The following EXT1 variants were observed in gnomAD, a reference collection of about 807,000 sequenced individuals.
EXT1 encodes the protein exostosin glycosyltransferase 1, also known as exostosin-1.
Under a neutral mutation model 82.5 loss-of-function variants are expected in EXT1, and 20 were observed. The ratio of observed to expected loss-of-function variants is 0.24; its 90% CI spans 0.17 to 0.35. The LOEUF (loss-of-function observed/expected upper bound fraction) is 0.35. Among genes scored for constraint, EXT1 ranks in the 10% least tolerant of loss-of-function variants. EXT1 has a pLI of 1.00. For synonymous variants in EXT1, 348 were observed against 350.8 expected, an observed-to-expected ratio of 0.99 and a Z score of 0.09; for missense variants, 757 against 936.5, an observed-to-expected ratio of 0.81 and a Z score of 2.50.
chr8:117,813,964 C>T lies in EXT1; in HGVS notation c.1633-1003G>A, dbSNP rs570935275. Among the ~76,000 whole-genome samples, 31 of 151,460 alleles carry T rather than the reference C, an allele frequency of 2.0e-4. 1 individual carries two copies. The highest frequency in any genetic ancestry group is 1.0e-3 in the South Asian group (5 of 4,790). ...GAGGTTACAGTGAGCTGAGATGGTG[C>T]CACAGCACTCCAGCCTGGGTGACAG... On this transcript the variant is annotated intron_variant, in intron 7 of 10. Transcript: ENST00000378204.
intron 1 of EXT1, among the ~76,000 whole-genome samples, chr8:118,032,136 A>ATGG (rs1816336099): frequency 7.2e-6 from 1 of 138,914 alleles, no homozygotes; most frequent in African/African-American, 2.6e-5. Flanking sequence ...AATGGCCAAA[A>ATGG]CCGCGATGAC....
At chr8:117,904,512 G>T (rs183722223) in intron 1 of EXT1, among the ~76,000 whole-genome samples, 2 of 152,130 alleles carry the variant, frequency 1.3e-5, no homozygotes, top group African/African-American at 2.4e-5. Flanking sequence ...GATTGAAATG[G>T]GTATGTTCTT....
At chr8:118,024,914 G>A (rs1816175850) in intron 1 of EXT1, among the ~76,000 whole-genome samples, 1 of 152,234 alleles carries the variant, frequency 6.6e-6, no homozygotes, top group African/African-American at 2.4e-5. Context: ...ACACTAGAGT[G>A]AAAGTTCAGA....
At chr8:118,011,158 C>T (rs1195794727) in intron 1 of EXT1, among the ~76,000 whole-genome samples, 1 of 152,160 alleles carries the variant, frequency 6.6e-6, no homozygotes, top group Admixed American at 6.5e-5. Context: ...TCAAAGAGGC[C>T]CTCACAGACT....
At chr8:117,951,176 G>T (rs902296782) in intron 1 of EXT1, among the ~76,000 whole-genome samples, 1 of 152,170 alleles carries the variant, frequency 6.6e-6, no homozygotes, top group Admixed American at 6.5e-5. Flanking sequence ...ATCGTGACTG[G>T]TTATTTTAAG....
intron 1 of EXT1, among the ~76,000 whole-genome samples, chr8:118,024,392 AG>A (rs1184105946): frequency 2.6e-5 from 4 of 152,208 alleles, no homozygotes; most frequent in African/African-American, 7.2e-5. Flanking sequence ...CCCTACCCAA[AG>A]GAAGTTTCTA....
At chr8:117,911,100 T>C (rs939825369) in intron 1 of EXT1, among the ~76,000 whole-genome samples, 1 of 152,224 alleles carries the variant, frequency 6.6e-6, no homozygotes, top group East Asian at 1.9e-4. Context: ...TCCTCAGCTG[T>C]AAATGGACTA....
At chr8:117,837,293 C>T (rs1020043562) in intron 1 of EXT1, 92 bp from the exon 2 acceptor site, 35 of 1,032,616 alleles carry the variant, frequency 3.4e-5, no homozygotes, top group Middle Eastern at 2.0e-4. Flanking sequence ...CATGAATTTA[C>T]GCAAAGCAAC....
chr8:117,926,030 A>G (rs1813947223), intron 1 of EXT1, among the ~76,000 whole-genome samples: 1 of 152,226 alleles, frequency 6.6e-6, no homozygotes, highest in Non-Finnish European at 1.5e-5. Flanking sequence ...AGGGTTAAGC[A>G]ATTTGCCTCT....
chr8:118,053,368 C>T (rs1400310051), intron 1 of EXT1, among the ~76,000 whole-genome samples: 2 of 152,142 alleles, frequency 1.3e-5, no homozygotes, highest in Non-Finnish European at 2.9e-5. Flanking sequence ...CCACTTCATG[C>T]CCTTGATATC....
chr8:117,890,756 T>C (rs1174652982), intron 1 of EXT1, among the ~76,000 whole-genome samples: 2 of 152,302 alleles, frequency 1.3e-5, no homozygotes, highest in East Asian at 3.9e-4. Flanking sequence ...AAGTTCAAGG[T>C]AGCAGGTCCT....
intron 1 of EXT1, among the ~76,000 whole-genome samples, chr8:117,906,416 T>C (rs940253344): frequency 1.3e-5 from 2 of 152,206 alleles, no homozygotes; most frequent in African/African-American, 2.4e-5. Context: ...TTATTTCCCA[T>C]TCAATTTAGG....
chr8:117,964,674 G>A (rs1814771446), intron 1 of EXT1, among the ~76,000 whole-genome samples: 1 of 151,984 alleles, frequency 6.6e-6, no homozygotes, highest in Admixed American at 6.6e-5. Flanking sequence ...TTTGAGACAG[G>A]CCCAGGCGGC....
At chr8:117,907,584 G>A (rs1440445688) in intron 1 of EXT1, among the ~76,000 whole-genome samples, 1 of 152,110 alleles carries the variant, frequency 6.6e-6, no homozygotes, top group Non-Finnish European at 1.5e-5. Context: ...TCCATTAATT[G>A]TTAATAATGG....
intron 8 of EXT1, among the ~76,000 whole-genome samples, chr8:117,809,215 A>G (rs933110457): frequency 1.2e-5 from 1 of 85,420 alleles, no homozygotes; most frequent in Non-Finnish European, 2.5e-5. Context: ...GTGTGTGTGT[A>G]TAAATATATA....
At chr8:117,829,878 A>AT (rs957556202) in intron 4 of EXT1, among the ~76,000 whole-genome samples, 1 of 151,858 alleles carries the variant, frequency 6.6e-6, no homozygotes, top group Non-Finnish European at 1.5e-5. Context: ...GCCATTAAAT[A>AT]TTTTTTTCTA....
intron 1 of EXT1, among the ~76,000 whole-genome samples, chr8:118,098,785 G>C (rs1817666248): frequency 6.7e-6 from 1 of 149,098 alleles, no homozygotes; most frequent in Admixed American, 6.7e-5. Flanking sequence ...AGAATAGCTA[G>C]CACTACAGGC....
At chr8:118,000,553 A>G (rs984174998) in intron 1 of EXT1, among the ~76,000 whole-genome samples, 2 of 152,210 alleles carry the variant, frequency 1.3e-5, no homozygotes, top group Non-Finnish European at 2.9e-5. Context: ...GTAGCTAGGA[A>G]CTGTTTAACT....
intron 1 of EXT1, among the ~76,000 whole-genome samples, chr8:117,954,754 T>C (rs1346544819): frequency 6.6e-6 from 1 of 152,186 alleles, no homozygotes. Flanking sequence ...GACCTGTTTC[T>C]CTACTGGCAA....
Sources: gnomAD v4.1 joint callset for allele counts (sites outside exome capture counted in the v4.1 genomes callset) on GRCh38, gnomAD v4.1.1 for gene constraint, MANE v1.5 for transcripts, NCBI Gene and HGNC (gene_info 2026-07-23, HGNC 2026-07-21) for gene names.